Variants in MAP3K20 observed in about 807,000 individuals in gnomAD.
The protein encoded by MAP3K20 is HCCS-4.
MAP3K20 carries 40 observed loss-of-function variants against 85.7 expected under a neutral mutation model. The observed-to-expected ratio is 0.47, with a 90% confidence interval of 0.36 to 0.61. The LOEUF (loss-of-function observed/expected upper bound fraction) is 0.61, where lower values mean the gene tolerates loss of function less well. Among genes scored for constraint, MAP3K20 ranks in the 20% least tolerant of loss-of-function variants. The pLI is 0.00. For synonymous variants in MAP3K20, 325 were observed against 327.7 expected (o/e 0.99, Z 0.09); for missense variants, 817 against 961.7 (o/e 0.85, Z 1.99).
chr2:173,140,932 A>G (rs1436065390), intron 2 of MAP3K20, among the ~76,000 whole-genome samples: 2 of 152,196 alleles, frequency 1.3e-5, no homozygotes, highest in Non-Finnish European at 2.9e-5. Flanking sequence ...AAAAATATAT[A>G]GGTTCTCTCT....
At chr2:173,117,020 G>A (rs1688144967) in intron 2 of MAP3K20, among the ~76,000 whole-genome samples, 1 of 152,202 alleles carries the variant, frequency 6.6e-6, no homozygotes, top group South Asian at 2.1e-4. Flanking sequence ...CATTGGTGAA[G>A]GCAAGGCTTA....
At chr2:173,215,544 AGCCT>A (rs1304479257) in intron 10 of MAP3K20, 2 of 152,326 alleles carry the variant, frequency 1.3e-5, no homozygotes, top group Non-Finnish European at 2.9e-5. Flanking sequence ...TGGGACTTAT[AGCCT>A]TTTATGATTT....
chr2:173,102,558 G>A (rs949952195), intron 2 of MAP3K20, among the ~76,000 whole-genome samples: 14 of 152,150 alleles, frequency 9.2e-5, no homozygotes, highest in African/African-American at 3.4e-4. Flanking sequence ...TTAATGACTT[G>A]AAAATATGAC....
intron 2 of MAP3K20, among the ~76,000 whole-genome samples, chr2:173,144,456 C>T (rs1250048359): frequency 3.6e-4 from 33 of 92,656 alleles, no homozygotes; most frequent in Admixed American, 7.5e-4. Flanking sequence ...GAGGGAGACT[C>T]CGTCTCAAAA....
rs750367021 is a variant in MAP3K20, at chr2:173,238,394, C to T, written c.1225C>T (p.His409Tyr). Residue 409 changes from histidine to tyrosine, a missense_variant, in exon 15 of 20, where the codon CAT becomes TAT. By Grantham distance (83) the His-to-Tyr change is moderately conservative. Transcript: ENST00000375213. ...ACAGTCAGCCATTGAGAAATTAACC[C>T]ATGATTACATAAATTTGTTTCACTT... Reference protein sequence around the residue: ...HFKSAIEKLTHDYINLFHFPP... With the variant: ...HFKSAIEKLTYDYINLFHFPP... 6.2e-6 allele frequency: 10 copies of T among 1,612,688 alleles called. No homozygotes were observed. The highest frequency in any genetic ancestry group is 3.3e-4 in the Middle Eastern group (2 of 6,078).
intron 2 of MAP3K20, among the ~76,000 whole-genome samples, chr2:173,106,873 A>G (rs67422536): frequency 0.3 from 46,030 of 151,948 alleles, 8,481 homozygotes; most frequent in Non-Finnish European, 0.41. Flanking sequence ...CCTGGATTTT[A>G]GATTGTAGAG....
chr2:173,216,806 T>C (rs11677913), intron 10 of MAP3K20, among the ~76,000 whole-genome samples: 85,443 of 152,020 alleles, frequency 0.56, 25,494 homozygotes, highest in Non-Finnish European at 0.67. Flanking sequence ...ACATCACTTA[T>C]GAACTGTAAA....
chr2:173,173,184 G>C (rs894703770), intron 3 of MAP3K20, among the ~76,000 whole-genome samples: 1 of 139,318 alleles, frequency 7.2e-6, no homozygotes, highest in African/African-American at 2.5e-5. Context: ...GTGTGTGTGT[G>C]TGTGTGTGTG....
intron 19 of MAP3K20, among the ~76,000 whole-genome samples, chr2:173,265,135 G>T (rs1309042153): frequency 6.6e-6 from 1 of 152,260 alleles, no homozygotes; most frequent in African/African-American, 2.4e-5. Context: ...AGAGCTCGGG[G>T]TCACCTGTGC....
intron 14 of MAP3K20, among the ~76,000 whole-genome samples, chr2:173,234,531 G>A (rs1229196113): frequency 6.6e-6 from 1 of 152,158 alleles, no homozygotes; most frequent in Non-Finnish European, 1.5e-5. Flanking sequence ...GGTGGGAGAT[G>A]GAGAGGGTAA....
chr2:173,105,189 G>A (rs1003673982), intron 2 of MAP3K20, among the ~76,000 whole-genome samples: 2 of 152,210 alleles, frequency 1.3e-5, no homozygotes, highest in Non-Finnish European at 2.9e-5. Flanking sequence ...GACAGAGACA[G>A]GGGACCAGTT....
intron 4 of MAP3K20, among the ~76,000 whole-genome samples, chr2:173,183,823 A>G (rs540689463): frequency 1.3e-5 from 2 of 152,320 alleles, no homozygotes; most frequent in South Asian, 4.1e-4. Context: ...AATGTGATTT[A>G]GCACTCAGTA....
At chr2:173,226,810 T>G in intron 11 of MAP3K20, 1 of 983,378 alleles carries the variant, frequency 1.0e-6, no homozygotes, top group South Asian at 4.7e-5. Context: ...ATAGAAAATA[T>G]TTATATTCTT....
At chr2:173,187,006 C>T (rs1690505306) in intron 4 of MAP3K20, among the ~76,000 whole-genome samples, 1 of 152,110 alleles carries the variant, frequency 6.6e-6, no homozygotes, top group Non-Finnish European at 1.5e-5. Flanking sequence ...CCAACCGTAA[C>T]TAATCAGTCC....
intron 2 of MAP3K20, among the ~76,000 whole-genome samples, chr2:173,163,226 G>C (rs1266679446): frequency 6.6e-6 from 1 of 152,128 alleles, no homozygotes; most frequent in Non-Finnish European, 1.5e-5. Flanking sequence ...TTATCACCCA[G>C]GTAATAAGCA....
At chr2:173,247,116 C>T (rs577211186) in intron 16 of MAP3K20, among the ~76,000 whole-genome samples, 181 of 152,318 alleles carry the variant, frequency 1.2e-3, no homozygotes, top group Non-Finnish European at 2.0e-3. Flanking sequence ...CACCTGGCCT[C>T]TTCTCCCACT....
Position 173,111,444 on chromosome 2 carries a change from C to G in MAP3K20, c.159+20254C>G, listed in dbSNP as rs141671235. On this transcript the variant is annotated intron_variant, in intron 2 of 19. Transcript: ENST00000375213. ...TTAGTTTAATTAAGTCCCAACTATTCATCTTTGTTTTTATTGCATTTGCTT... is the reference window on the plus strand; with the variant it reads ...TTAGTTTAATTAAGTCCCAACTATTGATCTTTGTTTTTATTGCATTTGCTT... 3.5e-3 allele frequency among the ~76,000 whole-genome samples: 533 copies of G among 152,202 alleles called. 5 individuals are homozygous for G. The highest frequency in any genetic ancestry group is 0.012 in the African/African-American group (488 of 41,518).
At chr2:173,094,964 T>C (rs910218135) in intron 2 of MAP3K20, among the ~76,000 whole-genome samples, 2 of 152,252 alleles carry the variant, frequency 1.3e-5, no homozygotes, top group Admixed American at 6.5e-5. Context: ...CTATTGATGA[T>C]TCTTGTTTGG....
At position 173,077,622 on chromosome 2, in the gene MAP3K20, T is replaced by C. The variant is rs140704961; in HGVS notation, c.-35+1620T>C. Among the ~76,000 whole-genome samples the C allele has an allele frequency of 4.7e-3, 710 of 152,272 alleles. 8 individuals carry two copies. Among genetic ancestry groups the C allele is most frequent in the African/African-American group, 0.016 (677 of 41,560 alleles). On this transcript the variant is annotated intron_variant, in intron 1 of 19. Transcript: ENST00000375213. ...AACTTTTTGAGATTATTTGGGGAGTTTTTTAACTACAAAATATTGTTTAAA... is the reference window on the plus strand; with the variant it reads ...AACTTTTTGAGATTATTTGGGGAGTCTTTTAACTACAAAATATTGTTTAAA...
Sources: allele counts gnomAD v4.1 joint callset (sites outside exome capture counted in the v4.1 genomes callset), GRCh38; gene constraint gnomAD v4.1.1; transcripts MANE v1.5; gene names NCBI Gene and HGNC (gene_info 2026-07-23, HGNC 2026-07-21).